RSRC1: variants seen among roughly 807,000 people sequenced by gnomAD.
RSRC1 encodes arginine and serine rich coiled-coil 1, also known as serine/Arginine-related protein 53.
A neutral mutation model predicts 49.1 loss-of-function variants in RSRC1; 39 were observed. The observed-to-expected ratio is 0.79, with a 90% CI of 0.61 to 1.04. The LOEUF (loss-of-function observed/expected upper bound fraction) is 1.04, where lower values mean the gene tolerates loss of function less well. Among genes scored for constraint, RSRC1 ranks in the 50% least tolerant of loss-of-function variants. The probability of loss-of-function intolerance (pLI) is 0.00; values close to 1 mark genes in which losing one functional copy is unlikely to be tolerated. For synonymous variants in RSRC1, 143 were observed against 130.8 expected (o/e 1.09, Z -0.63); for missense variants, 388 against 402.4 (o/e 0.96, Z 0.31).
intron 3 of RSRC1, among the ~76,000 whole-genome samples, chr3:158,126,867 C>T (rs1715657782): frequency 6.6e-6 from 1 of 150,976 alleles, no homozygotes; most frequent in Non-Finnish European, 1.5e-5. Context: ...TCTTGATTGA[C>T]AGGGTTTTTT....
At chr3:158,204,390 A>G (rs1457494172) in intron 4 of RSRC1, among the ~76,000 whole-genome samples, 2 of 152,202 alleles carry the variant, frequency 1.3e-5, no homozygotes, top group Non-Finnish European at 2.9e-5. Flanking sequence ...ATCATCCCAC[A>G]ACCATTAATG....
At chr3:158,505,141 A>G (rs781381661) in intron 7 of RSRC1, among the ~76,000 whole-genome samples, 16 of 152,218 alleles carry the variant, frequency 1.1e-4, no homozygotes, top group South Asian at 2.1e-4. Context: ...TGAATAATCA[A>G]TTCAGTCAAA....
At chr3:158,333,112 G>T (rs1300355781) in intron 5 of RSRC1, among the ~76,000 whole-genome samples, 3 of 152,070 alleles carry the variant, frequency 2.0e-5, no homozygotes, top group Non-Finnish European at 1.5e-5. Context: ...GGGACTACAG[G>T]TGTCTGCCAC....
At chr3:158,286,176 A>G (rs1726544207) in intron 4 of RSRC1, among the ~76,000 whole-genome samples, 1 of 152,128 alleles carries the variant, frequency 6.6e-6, no homozygotes. Context: ...CTCCCTAATC[A>G]TGTTTCCAAT....
chr3:158,146,708 C>T (rs529521400), intron 3 of RSRC1, among the ~76,000 whole-genome samples: 1 of 152,226 alleles, frequency 6.6e-6, no homozygotes, highest in South Asian at 2.1e-4. Context: ...GGAATGGTAC[C>T]AGCTCCTCCT....
At position 158,537,208 on chromosome 3, in the gene RSRC1, T is replaced by A; in HGVS notation, c.759+10T>A. ...TAAAGAAGTCAAAAAGGTAAGTTTT[T>A]ATCCACCCATTATGAGTAAACCTTT... On this transcript the variant is annotated intron_variant, in intron 8 of 9. Transcript: ENST00000611884. The A allele has an allele frequency of 6.6e-7, 1 of 1,512,026 alleles. No individual in the cohort carries two copies. Among genetic ancestry groups the A allele is most frequent in the East Asian group, 2.3e-5 (1 of 43,350 alleles). 93.7% of individuals were successfully genotyped at this position (1,512,026 alleles called of 1,614,324 possible). A position where few individuals can be genotyped will look rare whatever the true frequency, so the allele number is the denominator to read the frequency against.
chr3:158,244,756 GGGCTTTTTT>G (rs1252027761), intron 4 of RSRC1, among the ~76,000 whole-genome samples: 1 of 152,022 alleles, frequency 6.6e-6, no homozygotes, highest in Non-Finnish European at 1.5e-5. Flanking sequence ...ATCTGATCCT[GGGCTTTTTT>G]GGAGTGGTAG....
At chr3:158,470,085 T>A (rs1205419340) in intron 7 of RSRC1, among the ~76,000 whole-genome samples, 1 of 152,000 alleles carries the variant, frequency 6.6e-6, no homozygotes, top group Non-Finnish European at 1.5e-5. Context: ...ACTCTAAGGA[T>A]ACTAAATTAC....
At chr3:158,426,694 A>G (rs1029159868) in intron 6 of RSRC1, among the ~76,000 whole-genome samples, 5 of 151,794 alleles carry the variant, frequency 3.3e-5, no homozygotes, top group Non-Finnish European at 7.4e-5. Context: ...AGTGAGATAG[A>G]AGTCGTGGAA....
chr3:158,422,651 ACT>A (rs1406807008), intron 6 of RSRC1, among the ~76,000 whole-genome samples: 1 of 150,908 alleles, frequency 6.6e-6, no homozygotes, highest in Non-Finnish European at 1.5e-5. Flanking sequence ...GAATCGCCAC[ACT>A]GACTTCCACA....
chr3:158,169,572 C>T, intron 3 of RSRC1, among the ~76,000 whole-genome samples: 1 of 152,140 alleles, frequency 6.6e-6, no homozygotes. Context: ...TTAAACTTCT[C>T]CTAGAGTACA....
In RSRC1 at chr3:158,203,159, A is replaced by G. The variant is rs201107460; in HGVS notation, c.408A>G (p.Arg136=). ...HRRTRSRSRD[R]ERRKGRDKEK... ...GAACGCGTAGTCGGTCTCGGGATAG[A>G]GAACGACGTAAGGGCAGAGATAAAG... Residue 136 remains arginine (R), a synonymous_variant, in exon 4 of 10, where the codon AGA becomes AGG. Coordinates refer to ENST00000611884, the MANE Select transcript of RSRC1 (RefSeq NM_001271838.2). The G allele has an allele frequency of 2.9e-5, 47 of 1,613,846 alleles. No individual in the cohort carries two copies. Among genetic ancestry groups the G allele is most frequent in the Admixed American group, 1.0e-4 (6 of 59,986 alleles).
chr3:158,399,569 A>G (rs113324317), intron 6 of RSRC1, among the ~76,000 whole-genome samples: 1,659 of 152,288 alleles, frequency 0.011, 33 homozygotes, highest in African/African-American at 0.038. Flanking sequence ...GGCTATTTAC[A>G]TTTAAATTTA....
At chr3:158,386,905 C>T (rs909655885) in intron 6 of RSRC1, among the ~76,000 whole-genome samples, 4 of 150,844 alleles carry the variant, frequency 2.7e-5, no homozygotes, top group African/African-American at 7.3e-5. Flanking sequence ...CATGGTAGTA[C>T]ATGGAAATAA....
intron 6 of RSRC1, among the ~76,000 whole-genome samples, chr3:158,370,930 T>A (rs1732035378): frequency 6.6e-6 from 1 of 151,930 alleles, no homozygotes; most frequent in Non-Finnish European, 1.5e-5. Flanking sequence ...TTGTTCCATA[T>A]CCTTGACATT....
intron 6 of RSRC1, among the ~76,000 whole-genome samples, chr3:158,439,117 C>G (rs1313545356): frequency 5.3e-5 from 8 of 152,198 alleles, no homozygotes; most frequent in South Asian, 2.1e-4. Flanking sequence ...CAATGAGATA[C>G]CATCTCACAC....
At chr3:158,276,737 C>G (rs1345510398) in intron 4 of RSRC1, among the ~76,000 whole-genome samples, 1 of 152,050 alleles carries the variant, frequency 6.6e-6, no homozygotes, top group Non-Finnish European at 1.5e-5. Flanking sequence ...ATGATGTTCT[C>G]AACTTTTAGA....
chr3:158,407,186 A>G (rs1459553092), intron 6 of RSRC1, among the ~76,000 whole-genome samples: 1 of 152,208 alleles, frequency 6.6e-6, no homozygotes, highest in Admixed American at 6.5e-5. Flanking sequence ...GAAATCAAAT[A>G]GTCCTGTTGT....
At chr3:158,265,660 A>G (rs1725132076) in intron 4 of RSRC1, among the ~76,000 whole-genome samples, 1 of 152,162 alleles carries the variant, frequency 6.6e-6, no homozygotes, top group South Asian at 2.1e-4. Context: ...TCCAATCTTA[A>G]ATATGCTTTT....
Sources: allele counts gnomAD v4.1 joint callset (sites outside exome capture counted in the v4.1 genomes callset), GRCh38; gene constraint gnomAD v4.1.1; transcripts MANE v1.5; gene names NCBI Gene and HGNC (gene_info 2026-07-23, HGNC 2026-07-21).